ITPR3: variants seen among roughly 807,000 people sequenced by gnomAD.
The protein encoded by ITPR3 is inositol 1,4,5-trisphosphate-gated calcium channel ITPR3.
A neutral mutation model predicts 293.2 loss-of-function variants in ITPR3; 173 were observed. That is an observed-to-expected ratio of 0.59 (90% CI 0.52 to 0.67). The LOEUF (loss-of-function observed/expected upper bound fraction) is 0.67. Ranked by LOEUF, ITPR3 falls within the 30% of genes least tolerant of loss-of-function variation. The probability of loss-of-function intolerance (pLI) is 0.00; values close to 1 mark genes in which losing one functional copy is unlikely to be tolerated. For missense variants in ITPR3, 2,796 were observed against 3,592.1 expected, an observed-to-expected ratio of 0.78 and a Z score of 5.66; for synonymous variants, 1,295 against 1,444.4, an observed-to-expected ratio of 0.90 and a Z score of 2.35.
rs1443892446 is a variant in ITPR3, at chr6:33,683,030, C to T, written c.4598-177C>T. Among the ~76,000 whole-genome samples, 2 of 149,542 alleles carry T rather than the reference C, an allele frequency of 1.3e-5. No individual in the cohort carries two copies. The highest frequency in any genetic ancestry group is 4.9e-5 in the African/African-American group (2 of 40,506). On this transcript the variant is annotated intron_variant, in intron 34 of 57. Transcript: ENST00000605930. This position sits in a 1 kb window ranked among gnomAD's most constrained non-coding sequence, Gnocchi z 4.5. ...AGAGGCAGAAACTCCTTTTACCCAACAAGGGGAAGAAAGCCTCTCAGTCCC... is the reference window on the plus strand; with the variant it reads ...AGAGGCAGAAACTCCTTTTACCCAATAAGGGGAAGAAAGCCTCTCAGTCCC...
At chr6:33,676,644 C>T (rs965389640) in intron 25 of ITPR3, 124 bp from the exon 26 acceptor site, 37 of 1,145,158 alleles carry the variant, frequency 3.2e-5, no homozygotes, top group South Asian at 1.2e-4. Flanking sequence ...GGAATCGGCT[C>T]GGTGGAGAGG....
chr6:33,678,747 G>A lies in ITPR3; in HGVS notation c.3880G>A (p.Gly1294Arg), dbSNP rs746416459. ...QHFVHLLATH[G>R]RHVQYLDFLH... ...CTTCGTGCACCTGCTGGCCACGCAC[G>A]GGCGCCATGTGCAGTACCTGGACTT... Residue 1294 changes from glycine to arginine, a missense_variant, in exon 30 of 58, where the codon GGG (glycine) becomes AGG (arginine). Transcript: ENST00000605930. 14 of 1,613,402 alleles carry A rather than the reference G, an allele frequency of 8.7e-6. No individual in the cohort carries two copies. Among genetic ancestry groups the A allele is most frequent in the East Asian group, 2.2e-5 (1 of 44,886 alleles).
chr6:33,685,248 C>T, intron 39 of ITPR3, 111 bp from the exon 40 acceptor site: 1 of 1,106,108 alleles, frequency 9.0e-7, no homozygotes, highest in Non-Finnish European at 1.3e-6. Flanking sequence ...AGGCCTGCAG[C>T]CAGGCCCCTG....
chr6:33,668,073 A>C, intron 16 of ITPR3, 109 bp downstream of exon 16: 1 of 1,239,862 alleles, frequency 8.1e-7, no homozygotes, highest in Non-Finnish European at 1.1e-6. Context: ...GGTAACTGCC[A>C]CCCTGAATAG....
Position 33,679,659 on chromosome 6 carries a change from G to C in ITPR3, c.3973-223G>C, listed in dbSNP as rs960810364. On this transcript the variant is annotated intron_variant, in intron 30 of 57. Transcript: ENST00000605930. This position sits in a 1 kb window ranked among gnomAD's most constrained non-coding sequence, Gnocchi z 4.2. ...ACCCCTATGGGACTTCTTTCCAGTG[G>C]GGAGAAGCGGGGACTTTCTGGGTCA... is the stretch of plus-strand genomic sequence containing the variant. Among the ~76,000 whole-genome samples, 2 of 152,134 alleles carry C rather than the reference G, an allele frequency of 1.3e-5. No homozygotes were observed. The highest frequency in any genetic ancestry group is 2.9e-5 in the Non-Finnish European group (2 of 68,024).
intron 2 of ITPR3, among the ~76,000 whole-genome samples, chr6:33,651,342 G>C (rs936895524): frequency 1.3e-5 from 2 of 151,694 alleles, no homozygotes; most frequent in Non-Finnish European, 2.9e-5. Flanking sequence ...CCTCCAGGAA[G>C]GCCCTGGTGT....
Position 33,696,549 on chromosome 6 carries a change from T to C in ITPR3, c.*769T>C, listed in dbSNP as rs1765550488. The C allele has an allele frequency of 6.6e-6, 1 of 152,602 alleles. No individual in the cohort carries two copies. The highest frequency in any genetic ancestry group is 1.5e-5 in the Non-Finnish European group (1 of 68,036). The allele number at this position is 152,602 out of a possible 1,614,324, so 9.5% of individuals were successfully genotyped here. On this transcript the variant is annotated 3_prime_UTR_variant, in exon 58 of 58. Coordinates refer to ENST00000605930, the MANE Select transcript of ITPR3 (RefSeq NM_002224.4). ...TAATATGTTAATTGCCTTAAATAAA[T>C]TAATAGAAATCTAGTCCGTTAAAAA...
At chr6:33,668,061 T>G (rs1041863769) in intron 16 of ITPR3, 97 bp downstream of exon 16, 3 of 1,377,404 alleles carry the variant, frequency 2.2e-6, no homozygotes, top group Non-Finnish European at 2.0e-6. Flanking sequence ...CCTGCACCTG[T>G]TGGTAACTGC....
chr6:33,695,069 A>G lies in ITPR3; in HGVS notation c.7931A>G (p.Asn2644Ser). The change falls in exon 57 of 58, where the codon AAC becomes AGC. Residue 2644 changes from asparagine (N) to serine (S), a missense_variant. Physicochemically the swap from Asn to Ser is conservative, Grantham distance 46 (BLOSUM62 1). This residue lies in a region of ITPR3 where 568 missense variants were observed against 796.1 expected (regional missense o/e 0.71). Coordinates refer to ENST00000605930, the MANE Select transcript of ITPR3 (RefSeq NM_002224.4). ...GTGTCCCACCTCACTGCCCAGCTCAACGAGCTCAAGGAGCAGGTGTGCACC... is the reference window on the plus strand; with the variant it reads ...GTGTCCCACCTCACTGCCCAGCTCAGCGAGCTCAAGGAGCAGGTGTGCACC... ...KLVSHLTAQL[N>S]ELKEQMTEQR... 6.2e-7 allele frequency: 1 copy of G among 1,613,876 alleles called. No homozygotes were observed. Among genetic ancestry groups the G allele is most frequent in the Non-Finnish European group, 8.5e-7 (1 of 1,179,982 alleles).
rs761657270 is a variant in ITPR3, at chr6:33,691,096, CA to C, written c.7214del (p.Asn2405ThrfsTer55). The C allele has an allele frequency of 6.2e-7, 1 of 1,614,150 alleles. No homozygotes were observed. The highest frequency in any genetic ancestry group is 1.7e-5 in the Admixed American group (1 of 60,024). ...FILEVDRLPN[N>X]HSTASPLGMP... The stretch of plus-strand genomic sequence containing the variant: ...TTCTCGAGGTCGACCGGCTGCCCAA[CA>C]ACCACTCCACAGGTCTTGGAGGCTT... On this transcript the variant is annotated frameshift_variant, in exon 52 of 58. Coordinates refer to ENST00000605930, the MANE Select transcript of ITPR3 (RefSeq NM_002224.4). LOFTEE classifies it high-confidence loss of function. The surrounding 1 kb of genome is among the most constrained non-coding windows in gnomAD (Gnocchi z 4.9).
At position 33,683,427 on chromosome 6, in the gene ITPR3, C is replaced by T. The variant is rs756689213; in HGVS notation, c.4788+30C>T. On this transcript the variant is annotated intron_variant, in intron 35 of 57. Transcript: ENST00000605930. The surrounding 1 kb of genome is among the most constrained non-coding windows in gnomAD (Gnocchi z 4.5). ...GTGTGGGGCTGCCTGGCATCTGCCTCGGGAGCTGCTTGGTTGAGTCAGCAG... is the reference window on the plus strand; with the variant it reads ...GTGTGGGGCTGCCTGGCATCTGCCTTGGGAGCTGCTTGGTTGAGTCAGCAG... The T allele has an allele frequency of 7.5e-6, 11 of 1,472,912 alleles. No homozygotes were observed. The highest frequency in any genetic ancestry group is 2.8e-5 in the African/African-American group (2 of 70,742). The allele number at this position is 1,472,912 out of a possible 1,614,324, so 91.2% of individuals were successfully genotyped here. A position where few individuals can be genotyped will look rare whatever the true frequency, so the allele number is the denominator to read the frequency against.
intron 50 of ITPR3, 124 bp from the exon 51 acceptor site, chr6:33,689,910 G>T: frequency 8.5e-7 from 1 of 1,171,150 alleles, no homozygotes; most frequent in Non-Finnish European, 1.2e-6. Flanking sequence ...GCCTAGATGC[G>T]TTTCTGGAAG....
Position 33,654,276 on chromosome 6 carries a change from T to A in ITPR3, c.161-1490T>A, listed in dbSNP as rs1326999469. Among the ~76,000 whole-genome samples the A allele has an allele frequency of 1.3e-5, 2 of 151,610 alleles. No homozygotes were observed. The highest frequency in any genetic ancestry group is 2.9e-5 in the Non-Finnish European group (2 of 67,888). ...GAGTGAGACCGTGTCTCAAAAAAAA[T>A]AAGAAAAATAAAAAAAATAAAAAAG... is the stretch of plus-strand genomic sequence containing the variant. On this transcript the variant is annotated intron_variant, in intron 2 of 57. Coordinates refer to ENST00000605930, the MANE Select transcript of ITPR3 (RefSeq NM_002224.4). This position sits in a 1 kb window ranked among gnomAD's most constrained non-coding sequence, Gnocchi z 4.1.
intron 1 of ITPR3, among the ~76,000 whole-genome samples, chr6:33,625,250 A>T (rs1036285582): frequency 3.3e-5 from 5 of 150,798 alleles, no homozygotes; most frequent in Non-Finnish European, 5.9e-5. Context: ...TTTTTTTGAG[A>T]CAGAGTTTCA....
intron 18 of ITPR3, among the ~76,000 whole-genome samples, chr6:33,669,613 A>T (rs955778071): frequency 1.3e-5 from 2 of 152,174 alleles, no homozygotes; most frequent in Non-Finnish European, 2.9e-5. Context: ...ACAAATCATC[A>T]TCATAATAAT....
Position 33,688,576 on chromosome 6 carries a change from C to T in ITPR3, c.6569-80C>T. On this transcript the variant is annotated intron_variant, in intron 48 of 57. Transcript: ENST00000605930. Reference sequence around the variant, plus strand: ...AGGGCTCTTCCATGTGTGGCTTCCTCCTGAGCGGGGCCCCACATGCAAGGG... The same window carrying T: ...AGGGCTCTTCCATGTGTGGCTTCCTTCTGAGCGGGGCCCCACATGCAAGGG... 3.2e-6 allele frequency: 5 copies of T among 1,583,448 alleles called. No individual in the cohort carries two copies. The South Asian group carries it at 4.6e-5, about 15-fold the overall frequency.
At position 33,659,071 on chromosome 6, in the gene ITPR3, T is replaced by C; in HGVS notation, c.579T>C (p.Pro193=). The change falls in exon 6 of 58, where the codon CCT becomes CCC. Residue 193 remains proline, a synonymous_variant. Coordinates refer to ENST00000605930, the MANE Select transcript of ITPR3 (RefSeq NM_002224.4). ...TGAATCCTGTCAATGCCGGGCAGCCTCTGCATGCCAGCAATTACGAGCTCA... is the reference window on the plus strand; with the variant it reads ...TGAATCCTGTCAATGCCGGGCAGCCCCTGCATGCCAGCAATTACGAGCTCA... ...VILNPVNAGQ[P]LHASNYELSD... 2 of 1,613,922 alleles carry C rather than the reference T, an allele frequency of 1.2e-6. No homozygotes were observed. The highest frequency in any genetic ancestry group is 1.7e-6 in the Non-Finnish European group (2 of 1,179,956).
In ITPR3 at chr6:33,686,608, G is replaced by C. The variant is rs540220332; in HGVS notation, c.5979+89G>C. The C allele has an allele frequency of 1.6e-4, 153 of 976,262 alleles. 1 individual carries two copies. The African/African-American group carries it at 1.6e-3, about 10-fold the overall frequency. 60.5% of individuals were successfully genotyped at this position (976,262 alleles called of 1,614,324 possible). ...GACTTGTGTGTCAAGTGTACATAGT[G>C]GTGTGTAATGTGGGTGTTAGCATTG... is the stretch of plus-strand genomic sequence containing the variant. On this transcript the variant is annotated intron_variant, in intron 43 of 57. Coordinates refer to ENST00000605930, the MANE Select transcript of ITPR3 (RefSeq NM_002224.4).
Position 33,665,073 on chromosome 6 carries a change from G to A in ITPR3, c.1269G>A (p.Lys423=), listed in dbSNP as rs2127273837. The A allele has an allele frequency of 1.9e-6, 3 of 1,613,948 alleles. No homozygotes were observed. The highest frequency in any genetic ancestry group is 2.7e-5 in the African/African-American group (2 of 75,058). ...TGCAGCTGGGCACCTGCCCCACCAAGGAGGACAAGGAGGCCTTTGCCATCG... is the reference window on the plus strand; with the variant it reads ...TGCAGCTGGGCACCTGCCCCACCAAAGAGGACAAGGAGGCCTTTGCCATCG... The part of the protein sequence containing the change: ...IRLMLGTCPT[K]EDKEAFAIVS... Residue 423 remains lysine (K), a synonymous_variant, in exon 13 of 58, where the codon AAG becomes AAA. Transcript: ENST00000605930.
Sources: allele counts gnomAD v4.1 joint callset (sites outside exome capture counted in the v4.1 genomes callset), GRCh38; gene constraint gnomAD v4.1.1; regional missense constraint gnomAD v4.1.1; non-coding constraint Gnocchi (gnomAD v3.1); transcripts MANE v1.5; gene names NCBI Gene and HGNC (gene_info 2026-07-23, HGNC 2026-07-21).